The following ERAP1 variants were observed in gnomAD, a reference collection of about 807,000 sequenced individuals.
ERAP1 encodes endoplasmic reticulum aminopeptidase 1.
ERAP1 carries 86 observed loss-of-function variants against 103.7 expected under a neutral mutation model. That is an observed-to-expected ratio of 0.83 (90% CI 0.70 to 0.99). ERAP1 has a LOEUF of 0.99. Among genes scored for constraint, ERAP1 ranks in the 50% least tolerant of loss-of-function variants. The pLI is 0.00. For missense variants in ERAP1, 1,009 were observed against 1,128.4 expected (o/e 0.89, Z 1.52); for synonymous variants, 398 against 402.4 (o/e 0.99, Z 0.13).
At position 96,784,041 on chromosome 5, in the gene ERAP1, G is replaced by A. The variant is rs774270474; in HGVS notation, c.1983C>T (p.Ser661=). ...KLSIEKALDL[S]LYLKHETEIM... Reference sequence around the variant, plus strand: ...TTTCAGTTTCATGTTTCAAGTACAGGGATAAATCCAAGGCCTTTTCAATGG... The same window carrying A: ...TTTCAGTTTCATGTTTCAAGTACAGAGATAAATCCAAGGCCTTTTCAATGG... The change falls in exon 14 of 19, where the codon TCC becomes TCT. Residue 661 remains serine (S), a synonymous_variant. Transcript: ENST00000443439. 2.5e-6 allele frequency: 4 copies of A among 1,613,960 alleles called. No homozygotes were observed. The South Asian group carries it at 3.3e-5, about 13-fold the overall frequency.
the ERAP1 span, among the ~76,000 whole-genome samples, chr5:96,897,153 G>T: frequency 3.9e-5 from 6 of 152,054 alleles, no homozygotes; most frequent in African/African-American, 1.2e-4. Context: ...TTAAAATGTT[G>T]TAATTTCTAC....
chr5:96,917,481 C>T, the ERAP1 span: 2 of 1,602,550 alleles, frequency 1.2e-6, no homozygotes, highest in East Asian at 2.3e-5. Flanking sequence ...TTTTTTGAAT[C>T]TCTTGAGGCT....
At chr5:96,831,245 C>CTGGTTGTTTG in the ERAP1 span, among the ~76,000 whole-genome samples, 1 of 152,106 alleles carries the variant, frequency 6.6e-6, no homozygotes, top group East Asian at 1.9e-4. Flanking sequence ...ACAACCAGAT[C>CTGGTTGTTTG]TCACAATTCA....
the ERAP1 span, among the ~76,000 whole-genome samples, chr5:96,924,842 C>A: frequency 2.0e-5 from 3 of 152,186 alleles, no homozygotes; most frequent in Non-Finnish European, 4.4e-5. Flanking sequence ...AGGTGATCCA[C>A]CCACCTCGGC....
Position 96,775,525 on chromosome 5 carries a change from A to C in ERAP1, c.*871T>G, listed in dbSNP as rs1017568140. ...AAGAGATACTGTACCAGTCAGGGAA[A>C]TAGATGACACTCACTCAGAATTATC... On this transcript the variant is annotated 3_prime_UTR_variant, in exon 19 of 19. Transcript: ENST00000443439. 1 of 897,698 alleles carries C rather than the reference A, an allele frequency of 1.1e-6. No homozygotes were observed. Among genetic ancestry groups the C allele is most frequent in the African/African-American group, 2.9e-5 (1 of 34,758 alleles). The allele number at this position is 897,698 out of a possible 1,614,324, so 55.6% of individuals were successfully genotyped here.
At chr5:96,812,015 G>T (rs1382328410), upstream of ERAP1, among the ~76,000 whole-genome samples, 1 of 152,178 alleles carries the variant, frequency 6.6e-6, no homozygotes, top group African/African-American at 2.4e-5. Context: ...CAACAAGGAG[G>T]TAAGTCACCA....
intron 19 of ERAP1, chr5:96,768,513 A>G (rs1385455900): frequency 1.0e-5 from 4 of 400,392 alleles, no homozygotes; most frequent in South Asian, 1.9e-5. Context: ...TTTTTTTTCT[A>G]TATGTATATT....
the ERAP1 span, among the ~76,000 whole-genome samples, chr5:96,923,854 TA>T: frequency 6.6e-6 from 1 of 152,218 alleles, no homozygotes; most frequent in Non-Finnish European, 1.5e-5. Flanking sequence ...TGTGACATCT[TA>T]AAAAATTAAT....
the ERAP1 span, among the ~76,000 whole-genome samples, chr5:96,886,191 G>A: frequency 6.6e-6 from 1 of 152,038 alleles, no homozygotes; most frequent in Non-Finnish European, 1.5e-5. Context: ...CCACATAACA[G>A]GATTAAAAGA....
At chr5:96,773,990 A>G (rs1773378489), downstream of ERAP1, 1 of 152,364 alleles carries the variant, frequency 6.6e-6, no homozygotes, top group Non-Finnish European at 1.5e-5. Context: ...AGTCATGCAC[A>G]TACCTATGGG....
At chr5:96,769,223 G>A (rs62364737) in intron 19 of ERAP1, 1 of 152,078 alleles carries the variant, frequency 6.6e-6, no homozygotes, top group Non-Finnish European at 1.5e-5. Flanking sequence ...TCCATACTGG[G>A]TAGCTTAATT....
At chr5:96,833,041 T>C in the ERAP1 span, among the ~76,000 whole-genome samples, 1 of 152,338 alleles carries the variant, frequency 6.6e-6, no homozygotes, top group East Asian at 1.9e-4. Flanking sequence ...GTCTACAACC[T>C]GGAAGAGGTC....
At chr5:96,814,351 G>A in the ERAP1 span, 1 of 456,154 alleles carries the variant, frequency 2.2e-6, no homozygotes, top group South Asian at 1.6e-5. Flanking sequence ...AATACCAGGA[G>A]GCAAGGATCA....
the ERAP1 span, among the ~76,000 whole-genome samples, chr5:96,915,234 C>T: frequency 1.3e-5 from 2 of 152,122 alleles, no homozygotes; most frequent in Admixed American, 1.3e-4. Flanking sequence ...GTCTCAAACT[C>T]CTGACCTCAG....
intron 18 of ERAP1, among the ~76,000 whole-genome samples, chr5:96,777,142 TAAG>T: frequency 1.3e-5 from 2 of 152,328 alleles, no homozygotes; most frequent in Middle Eastern, 3.4e-3. Context: ...TTTAAAGAGA[TAAG>T]AAACTCTTGG....
chr5:96,816,549 A>T, the ERAP1 span, among the ~76,000 whole-genome samples: 1 of 152,220 alleles, frequency 6.6e-6, no homozygotes, highest in Non-Finnish European at 1.5e-5. Flanking sequence ...AATGTCCTTA[A>T]TTTGACCCAG....
At chr5:96,794,036 G>T in intron 5 of ERAP1, 79 bp from the exon 6 acceptor site, 2 of 1,467,182 alleles carry the variant, frequency 1.4e-6, no homozygotes, top group Non-Finnish European at 1.9e-6. Flanking sequence ...AGAATGGATA[G>T]GTGTTTGAAC....
At chr5:96,816,191 A>G in the ERAP1 span, among the ~76,000 whole-genome samples, 1 of 152,348 alleles carries the variant, frequency 6.6e-6, no homozygotes, top group African/African-American at 2.4e-5. Context: ...AAAGGTAGAC[A>G]GAGTCTGGAC....
the ERAP1 span, among the ~76,000 whole-genome samples, chr5:96,851,470 A>G: frequency 2.6e-5 from 4 of 152,216 alleles, no homozygotes; most frequent in African/African-American, 9.6e-5. Flanking sequence ...AGCATTTAGC[A>G]CGGTCTCCTA....
Sources: allele counts gnomAD v4.1 joint callset (sites outside exome capture counted in the v4.1 genomes callset), GRCh38; gene constraint gnomAD v4.1.1; transcripts MANE v1.5; gene names NCBI Gene and HGNC (gene_info 2026-07-23, HGNC 2026-07-21).